The following SCARB1 variants were observed in gnomAD, a reference collection of about 807,000 sequenced individuals.
SCARB1 encodes CD36 and LIMPII analogous 1.
A neutral mutation model predicts 57.2 loss-of-function variants in SCARB1; 30 were observed. The observed-to-expected ratio is 0.52, with a 90% CI of 0.39 to 0.71. The LOEUF is 0.71. Ranked by LOEUF, SCARB1 falls within the 30% of genes least tolerant of loss-of-function variation. The pLI is 0.00. For synonymous variants in SCARB1, 249 were observed against 268.3 expected (o/e 0.93, Z 0.70); for missense variants, 543 against 671.2 (o/e 0.81, Z 2.11).
Position 124,814,164 on chromosome 12 carries a change from A to G in SCARB1, c.630+38T>C. The G allele has an allele frequency of 1.9e-6, 3 of 1,581,700 alleles. No homozygotes were observed. Among genetic ancestry groups the G allele is most frequent in the Non-Finnish European group, 2.6e-6 (3 of 1,150,754 alleles). On this transcript the variant is annotated intron_variant, in intron 4 of 12. Coordinates refer to ENST00000261693, the MANE Select transcript of SCARB1 (RefSeq NM_005505.5). The surrounding 1 kb of genome is among the most constrained non-coding windows in gnomAD (Gnocchi z 4.7). ...GCTGTGTGAGGGGAAGACAGGACAC[A>G]GGCCTGAATCTTTGGCTTCTCACCA...
intron 1 of SCARB1, among the ~76,000 whole-genome samples, chr12:124,855,496 C>T (rs1952589993): frequency 6.6e-6 from 1 of 152,356 alleles, no homozygotes; most frequent in African/African-American, 2.4e-5. Flanking sequence ...CTTTGCAAGA[C>T]AGCTCCAGCC....
chr12:124,808,310 A>C (rs1404764026), intron 6 of SCARB1, among the ~76,000 whole-genome samples: 1 of 152,178 alleles, frequency 6.6e-6, no homozygotes, highest in African/African-American at 2.4e-5. Context: ...ATTGTTTTTG[A>C]AAGTTATGAA....
chr12:124,778,987 G>C (rs1466643018), intron 12 of SCARB1, among the ~76,000 whole-genome samples: 1 of 152,178 alleles, frequency 6.6e-6, no homozygotes, highest in Non-Finnish European at 1.5e-5. Flanking sequence ...GTCTCTCTCT[G>C]TCGCCCAGGC....
At chr12:124,782,562 T>C in intron 12 of SCARB1, 121 bp downstream of exon 12, 1 of 976,352 alleles carries the variant, frequency 1.0e-6, no homozygotes, top group Non-Finnish European at 1.6e-6. Context: ...CTTCAGTCTG[T>C]AGACACTCCA....
Position 124,807,757 on chromosome 12 carries a change from G to A in SCARB1, c.1009+4C>T, listed in dbSNP as rs370912411. The A allele has an allele frequency of 1.4e-5, 22 of 1,613,884 alleles. No individual in the cohort carries two copies. Among genetic ancestry groups the A allele is most frequent in the South Asian group, 5.5e-5 (5 of 91,076 alleles). ...GCCATCCCAGCACAGGGGACGGCAC[G>A]TACTGAACCTGCAGGTGCTGACGTT... On this transcript the variant is annotated splice_donor_region_variant and intron_variant, in intron 7 of 12. Coordinates refer to ENST00000261693, the MANE Select transcript of SCARB1 (RefSeq NM_005505.5). The surrounding 1 kb of genome is among the most constrained non-coding windows in gnomAD (Gnocchi z 5.3).
At chr12:124,831,168 G>A (rs1190582453) in intron 1 of SCARB1, among the ~76,000 whole-genome samples, 3 of 152,104 alleles carry the variant, frequency 2.0e-5, no homozygotes, top group Non-Finnish European at 4.4e-5. Flanking sequence ...AAGTAGAGAC[G>A]GGGTTTTGCC....
rs537336574 is a variant in SCARB1 at position 124,857,446 on chromosome 12, G to C, written c.126+6149C>G. Among the ~76,000 whole-genome samples, 9 of 152,288 alleles carry C rather than the reference G, an allele frequency of 5.9e-5. No individual in the cohort carries two copies. The South Asian group carries it at 1.9e-3, about 32-fold the overall frequency. On this transcript the variant is annotated intron_variant, in intron 1 of 12. Transcript: ENST00000261693. ...CCGGTGACATCCCTGGCTGGCCCTGGTGCCGGGGCTCCCCAAGGCTCACTG... is the reference window on the plus strand; with the variant it reads ...CCGGTGACATCCCTGGCTGGCCCTGCTGCCGGGGCTCCCCAAGGCTCACTG...
chr12:124,778,624 C>T, intron 12 of SCARB1, 38 bp from the exon 13 acceptor site: 1 of 1,409,284 alleles, frequency 7.1e-7, no homozygotes, highest in Non-Finnish European at 9.2e-7. Flanking sequence ...CACCCACGCC[C>T]TGTCACCAAA....
At chr12:124,852,541 C>T (rs966627105) in intron 1 of SCARB1, among the ~76,000 whole-genome samples, 3 of 152,234 alleles carry the variant, frequency 2.0e-5, no homozygotes, top group African/African-American at 4.8e-5. Context: ...GTCCACGCTG[C>T]GGAGGACCCC....
chr12:124,793,685 T>A (rs191075876), intron 9 of SCARB1, among the ~76,000 whole-genome samples: 1 of 110,060 alleles, frequency 9.1e-6, no homozygotes, highest in African/African-American at 3.7e-5. Context: ...AGAGCGAGAC[T>A]CCGTCTCAAA....
At chr12:124,832,764 A>G (rs1951458023) in intron 1 of SCARB1, among the ~76,000 whole-genome samples, 1 of 152,242 alleles carries the variant, frequency 6.6e-6, no homozygotes, top group African/African-American at 2.4e-5. Context: ...ATTTTATTTA[A>G]GCCCACCCAA....
intron 1 of SCARB1, among the ~76,000 whole-genome samples, chr12:124,827,219 A>C (rs1394731401): frequency 6.6e-6 from 1 of 152,326 alleles, no homozygotes; most frequent in East Asian, 1.9e-4. Flanking sequence ...GCTCCCCGAA[A>C]AAGAAATTCC....
chr12:124,819,596 C>T, intron 1 of SCARB1, among the ~76,000 whole-genome samples: 1 of 152,214 alleles, frequency 6.6e-6, no homozygotes, highest in East Asian at 1.9e-4. Context: ...TCGGGCCCCT[C>T]AGTGCCCACA....
intron 12 of SCARB1, among the ~76,000 whole-genome samples, chr12:124,781,150 CTTG>C (rs1873392164): frequency 2.0e-5 from 3 of 152,230 alleles, no homozygotes; most frequent in African/African-American, 7.2e-5. Context: ...CGCCCCAGAG[CTTG>C]ACTGGGACAC....
At chr12:124,801,205 A>G (rs1950116765) in intron 7 of SCARB1, among the ~76,000 whole-genome samples, 1 of 152,204 alleles carries the variant, frequency 6.6e-6, no homozygotes, top group Non-Finnish European at 1.5e-5. Flanking sequence ...TCTCAAAAGA[A>G]AAACAATTTT....
At chr12:124,805,122 G>C (rs372872733) in intron 7 of SCARB1, among the ~76,000 whole-genome samples, 1 of 114,020 alleles carries the variant, frequency 8.8e-6, no homozygotes, top group African/African-American at 5.4e-5. Flanking sequence ...GACAAGAAGA[G>C]GAAGACAAGA....
At chr12:124,805,884 A>G (rs1950305959) in intron 7 of SCARB1, among the ~76,000 whole-genome samples, 1 of 151,778 alleles carries the variant, frequency 6.6e-6, no homozygotes, top group South Asian at 2.1e-4. Flanking sequence ...TTGTTAAAAG[A>G]TCCCTCCGCT....
At chr12:124,844,801 T>TTTTC (rs1025313209) in intron 1 of SCARB1, among the ~76,000 whole-genome samples, 19 of 148,598 alleles carry the variant, frequency 1.3e-4, no homozygotes, top group South Asian at 2.1e-4. Flanking sequence ...ATGGACATTT[T>TTTTC]TTTCTTTCTT....
chr12:124,798,885 G>A (rs1950039874), intron 8 of SCARB1, among the ~76,000 whole-genome samples: 1 of 151,864 alleles, frequency 6.6e-6, no homozygotes, highest in Non-Finnish European at 1.5e-5. Context: ...TGGAAGCAGA[G>A]GGTAGAATAC....
Sources: gnomAD v4.1 joint callset for allele counts (sites outside exome capture counted in the v4.1 genomes callset) on GRCh38, gnomAD v4.1.1 for gene constraint, Gnocchi (gnomAD v3.1) non-coding constraint, MANE v1.5 for transcripts, NCBI Gene and HGNC (gene_info 2026-07-23, HGNC 2026-07-21) for gene names.